SPOCK3: variants seen among roughly 807,000 people sequenced by gnomAD.
SPOCK3 encodes the protein SPARC (osteonectin), cwcv and kazal like domains proteoglycan 3.
Under a neutral mutation model 56.6 loss-of-function variants are expected in SPOCK3, and 30 were observed. The ratio of observed to expected loss-of-function variants is 0.53; its 90% confidence interval spans 0.40 to 0.72. The LOEUF (loss-of-function observed/expected upper bound fraction) is 0.72, where lower values mean the gene tolerates loss of function less well. Ranked by LOEUF, SPOCK3 falls within the 30% of genes least tolerant of loss-of-function variation. The pLI, the probability that SPOCK3 is intolerant of heterozygous loss-of-function variation, is 0.00. For synonymous variants in SPOCK3, 196 were observed against 183.3 expected, an observed-to-expected ratio of 1.07 and a Z score of -0.56; for missense variants, 527 against 530.0, an observed-to-expected ratio of 0.99 and a Z score of 0.06.
intron 3 of SPOCK3, among the ~76,000 whole-genome samples, chr4:167,013,371 C>T (rs917736181): frequency 9.2e-5 from 14 of 151,598 alleles, no homozygotes; most frequent in African/African-American, 3.1e-4. Flanking sequence ...GGTTTGCTAC[C>T]ATTTGTTTTC....
At chr4:167,156,021 G>T (rs1321322536) in intron 2 of SPOCK3, among the ~76,000 whole-genome samples, 1 of 152,026 alleles carries the variant, frequency 6.6e-6, no homozygotes, top group Non-Finnish European at 1.5e-5. Context: ...AAAAAAAGTT[G>T]TTCTAGCAGC....
At chr4:167,100,259 G>A (rs548898758) in intron 2 of SPOCK3, among the ~76,000 whole-genome samples, 32 of 152,078 alleles carry the variant, frequency 2.1e-4, no homozygotes, top group African/African-American at 7.5e-4. Context: ...CTCTTTCTCT[G>A]ACTGACTGAC....
chr4:166,771,345 A>G (rs934671325), intron 7 of SPOCK3, among the ~76,000 whole-genome samples: 1 of 152,020 alleles, frequency 6.6e-6, no homozygotes, highest in African/African-American at 2.4e-5. Flanking sequence ...GAGATATTTA[A>G]AATATAACAA....
At chr4:167,057,354 G>A (rs925418007) in intron 3 of SPOCK3, among the ~76,000 whole-genome samples, 3 of 151,610 alleles carry the variant, frequency 2.0e-5, no homozygotes, top group East Asian at 1.9e-4. Context: ...AAAGACCATC[G>A]AGGCTAGGAA....
At chr4:166,997,373 G>T (rs1748495901) in intron 4 of SPOCK3, among the ~76,000 whole-genome samples, 1 of 152,040 alleles carries the variant, frequency 6.6e-6, no homozygotes, top group South Asian at 2.1e-4. Flanking sequence ...GATAAATCAT[G>T]CATTCATTTA....
intron 5 of SPOCK3, among the ~76,000 whole-genome samples, chr4:166,908,198 T>A (rs1052291771): frequency 2.0e-4 from 31 of 151,748 alleles, no homozygotes; most frequent in Admixed American, 6.6e-5. Context: ...AGTAGCATGT[T>A]GAAACTTAAA....
At chr4:167,063,936 T>C (rs538943451) in intron 2 of SPOCK3, among the ~76,000 whole-genome samples, 182 of 151,988 alleles carry the variant, frequency 1.2e-3, no homozygotes, top group Non-Finnish European at 1.9e-3. Flanking sequence ...ATCTAATATA[T>C]TTACGGTTCT....
intron 4 of SPOCK3, among the ~76,000 whole-genome samples, chr4:166,989,552 A>G (rs1747545091): frequency 6.6e-6 from 1 of 152,122 alleles, no homozygotes; most frequent in Admixed American, 6.6e-5. Context: ...TTAAGTTTGG[A>G]AATGAATTAT....
chr4:166,940,342 T>A (rs1740902151), intron 4 of SPOCK3, among the ~76,000 whole-genome samples: 1 of 152,140 alleles, frequency 6.6e-6, no homozygotes, highest in Non-Finnish European at 1.5e-5. Flanking sequence ...ACAGCCTCCC[T>A]ACCGAAGTCC....
At chr4:166,834,436 C>T (rs1054284846) in intron 6 of SPOCK3, among the ~76,000 whole-genome samples, 1 of 152,198 alleles carries the variant, frequency 6.6e-6, no homozygotes, top group African/African-American at 2.4e-5. Context: ...CACCACTGCT[C>T]TCTGATGAGC....
At chr4:167,075,280 T>C (rs1757078604) in intron 2 of SPOCK3, among the ~76,000 whole-genome samples, 1 of 151,928 alleles carries the variant, frequency 6.6e-6, no homozygotes, top group South Asian at 2.1e-4. Flanking sequence ...GGCAAATTCA[T>C]TGCTTTTAGA....
chr4:167,103,991 G>T (rs568826628), intron 2 of SPOCK3, among the ~76,000 whole-genome samples: 2 of 152,288 alleles, frequency 1.3e-5, no homozygotes, highest in South Asian at 4.1e-4. Context: ...CACCAAGGCA[G>T]TACCACAATG....
intron 5 of SPOCK3, among the ~76,000 whole-genome samples, chr4:166,897,563 G>A (rs975468665): frequency 2.6e-5 from 4 of 152,112 alleles, no homozygotes; most frequent in South Asian, 4.2e-4. Flanking sequence ...TTACCCCTGC[G>A]GGACTTGTGA....
At chr4:167,071,347 C>T (rs1270476977) in intron 2 of SPOCK3, among the ~76,000 whole-genome samples, 9 of 151,992 alleles carry the variant, frequency 5.9e-5, no homozygotes, top group Non-Finnish European at 8.8e-5. Context: ...CCCATCAACT[C>T]GTCGTCTACA....
At chr4:166,948,475 T>G (rs1331645738) in intron 4 of SPOCK3, among the ~76,000 whole-genome samples, 1 of 152,180 alleles carries the variant, frequency 6.6e-6, no homozygotes, top group Non-Finnish European at 1.5e-5. Flanking sequence ...TTTGTATTCC[T>G]ACCAACAGTG....
At chr4:167,234,228 G>A in intron 1 of SPOCK3, 55 bp from the exon 2 acceptor site, 2 of 1,577,764 alleles carry the variant, frequency 1.3e-6, no homozygotes, top group Non-Finnish European at 1.7e-6. Context: ...CAAATAAGGG[G>A]TACGAAGCCA....
intron 2 of SPOCK3, among the ~76,000 whole-genome samples, chr4:167,120,076 C>A (rs1184776166): frequency 6.6e-6 from 1 of 151,952 alleles, no homozygotes; most frequent in African/African-American, 2.4e-5. Flanking sequence ...AAACAATGTA[C>A]ACATACATAT....
At position 166,773,014 on chromosome 4, in the gene SPOCK3, A is replaced by T. The variant is rs1399616488; in HGVS notation, c.710-18285T>A. Among the ~76,000 whole-genome samples the T allele has an allele frequency of 2.0e-5, 3 of 152,238 alleles. No individual in the cohort carries two copies. The East Asian group carries it at 5.8e-4, about 29-fold the overall frequency. ...ACTGTGTTGCCCATGCTGGTCTCGAACTACTGGCCTCAAGCAATTTGCCTG... is the reference window on the plus strand; with the variant it reads ...ACTGTGTTGCCCATGCTGGTCTCGATCTACTGGCCTCAAGCAATTTGCCTG... On this transcript the variant is annotated intron_variant, in intron 7 of 10. Transcript: ENST00000357545.
At chr4:167,130,616 C>T (rs1379287036) in intron 2 of SPOCK3, among the ~76,000 whole-genome samples, 1 of 152,018 alleles carries the variant, frequency 6.6e-6, no homozygotes, top group Non-Finnish European at 1.5e-5. Context: ...TGCAACTAAA[C>T]ACATTCATCT....
Sources: allele counts gnomAD v4.1 joint callset (sites outside exome capture counted in the v4.1 genomes callset), GRCh38; gene constraint gnomAD v4.1.1; transcripts MANE v1.5; gene names NCBI Gene and HGNC (gene_info 2026-07-23, HGNC 2026-07-21).